NCKAP5L: variants seen among roughly 807,000 people sequenced by gnomAD.
The protein encoded by NCKAP5L is nck-associated protein 5-like.
NCKAP5L carries 54 observed loss-of-function variants against 103.2 expected under a neutral mutation model. The observed-to-expected ratio is 0.52, with a 90% CI of 0.42 to 0.66. NCKAP5L has a LOEUF of 0.66. NCKAP5L is among the 30% of genes least tolerant of loss of function. NCKAP5L has a pLI of 0.00. For synonymous variants in NCKAP5L, 762 were observed against 748.6 expected (o/e 1.02, Z -0.29); for missense variants, 1,733 against 1,750.6 (o/e 0.99, Z 0.18).
chr12:49,797,314 C>A lies in NCKAP5L; in HGVS notation c.546G>T (p.Pro182=). ...GAATCTGGGCCTTCTTCCGAAGGAA[C>A]GGGGATAGGGCATCCAGCGCTGGGG... is the stretch of plus-strand genomic sequence containing the variant. ...APPPALDALS[P]FLRKKAQILE... Residue 182 remains proline (P), a synonymous_variant, in exon 8 of 13, where the codon CCG becomes CCT. Transcript: ENST00000335999. The surrounding 1 kb of genome is among the most constrained non-coding windows in gnomAD (Gnocchi z 4.5). 5.6e-6 allele frequency: 9 copies of A among 1,613,104 alleles called. No homozygotes were observed. The highest frequency in any genetic ancestry group is 1.1e-5 in the South Asian group (1 of 91,042).
rs78432284 is a variant in NCKAP5L at position 49,827,669 on chromosome 12, C to T, written c.-99+653G>A. Among the ~76,000 whole-genome samples, 291 of 152,362 alleles carry T rather than the reference C, an allele frequency of 1.9e-3. 2 individuals are homozygous for T. The East Asian group carries it at 0.047, about 25-fold the overall frequency. On this transcript the variant is annotated intron_variant, in intron 1 of 12. Transcript: ENST00000335999. ...TGCCCTGTCCCTGCTCCCTGCCCAA[C>T]CAACCCTTCTCCCTCCCTTAGCTTC... is the stretch of plus-strand genomic sequence containing the variant.
At chr12:49,801,789 G>C in intron 6 of NCKAP5L, 59 bp downstream of exon 6, 2 of 1,600,304 alleles carry the variant, frequency 1.2e-6, no homozygotes, top group South Asian at 1.1e-5. Context: ...TGATGGGGCC[G>C]ATGGAGCCGA....
Position 49,792,042 on chromosome 12 carries a change from C to G in NCKAP5L, c.3802G>C (p.Val1268Leu). The change falls in exon 13 of 13, where the codon GTG (valine) becomes CTG (leucine). Residue 1268 changes from valine (V) to leucine (L), a missense_variant. By Grantham distance (32) the Val-to-Leu change is conservative. Transcript: ENST00000335999. The surrounding 1 kb of genome is among the most constrained non-coding windows in gnomAD (Gnocchi z 4.5). ...GGCTCCTGGCTTCGCTTCCGGTCCA[C>G]GGGCAGGGCCTGGGAAAGGAGGGGC... ...GLPRTPMALP[V>L]DRKRSQEPSR... 3 of 1,544,024 alleles carry G rather than the reference C, an allele frequency of 1.9e-6. No individual in the cohort carries two copies. Among genetic ancestry groups the G allele is most frequent in the Non-Finnish European group, 1.7e-6 (2 of 1,148,790 alleles).
chr12:49,792,231 G>C lies in NCKAP5L; in HGVS notation c.3793-180C>G. On this transcript the variant is annotated intron_variant, in intron 12 of 12. Coordinates refer to ENST00000335999, the MANE Select transcript of NCKAP5L (RefSeq NM_001037806.4). This position sits in a 1 kb window ranked among gnomAD's most constrained non-coding sequence, Gnocchi z 4.5. ...GTACAACTGAGAACAGTCCTACAAG[G>C]TTCTGGGGAGGGACAGAAACCTTTC... The C allele has an allele frequency of 8.9e-7, 1 of 1,126,736 alleles. No individual in the cohort carries two copies. The highest frequency in any genetic ancestry group is 1.3e-6 in the Non-Finnish European group (1 of 775,762). The allele number at this position is 1,126,736 out of a possible 1,614,324, so 69.8% of individuals were successfully genotyped here. A position where few individuals can be genotyped will look rare whatever the true frequency, so the allele number is the denominator to read the frequency against.
In NCKAP5L at chr12:49,795,878, A is replaced by T; in HGVS notation, c.1982T>A (p.Leu661Gln). Residue 661 changes from leucine (L) to glutamine (Q), a missense_variant, in exon 8 of 13, where the codon CTG becomes CAG. Leu to Gln is a moderately radical substitution (Grantham distance 113). Transcript: ENST00000335999. The stretch of plus-strand genomic sequence containing the variant: ...CCCCAGGGCCGCCAGTCTGTCCCGC[A>T]GAGGTGTGCTGCCAGGATCCCCAGG... ...RRPGDPGSTP[L>Q]RDRLAALGKL... 1 of 1,556,870 alleles carries T rather than the reference A, an allele frequency of 6.4e-7. No homozygotes were observed. Among genetic ancestry groups the T allele is most frequent in the Non-Finnish European group, 8.6e-7 (1 of 1,156,386 alleles).
At position 49,793,751 on chromosome 12, in the gene NCKAP5L, C is replaced by T. The variant is rs766234836; in HGVS notation, c.3241G>A (p.Gly1081Arg). 139 of 1,565,394 alleles carry T rather than the reference C, an allele frequency of 8.9e-5. No individual in the cohort carries two copies. Among genetic ancestry groups the T allele is most frequent in the Non-Finnish European group, 1.2e-4 (134 of 1,156,966 alleles). ...GAACTTACCTTTCCAGGAGGTTTTC[C>T]GCAGCCCTGAAGAGGGCCCACCAGG... is the stretch of plus-strand genomic sequence containing the variant. ...NGLVGPLQGC[G>R]KPPGKPSSEP... Residue 1081 changes from glycine (G) to arginine (R), a missense_variant, in exon 9 of 13, where the codon GGA becomes AGA. Coordinates refer to ENST00000335999, the MANE Select transcript of NCKAP5L (RefSeq NM_001037806.4).
At position 49,819,328 on chromosome 12, in the gene NCKAP5L, T is replaced by A. The variant is rs957042988; in HGVS notation, c.-99+8994A>T. On this transcript the variant is annotated intron_variant, in intron 1 of 12. Transcript: ENST00000335999. ...CTCCGCTTCAAAAAAAAAAAAAAAA[T>A]TAAAAACCCTTAAATAGAACTACCA... is the stretch of plus-strand genomic sequence containing the variant. 8.9e-5 allele frequency among the ~76,000 whole-genome samples: 13 copies of A among 146,624 alleles called. No individual in the cohort carries two copies. In the East Asian group the frequency reaches 2.0e-3, roughly 22 times the overall value.
rs1946079975 is a variant in NCKAP5L, at chr12:49,798,256, T to C, written c.465+94A>G. 16 of 1,199,234 alleles carry C rather than the reference T, an allele frequency of 1.3e-5. No individual in the cohort carries two copies. In the South Asian group the frequency reaches 2.1e-4, roughly 16 times the overall value. The allele number at this position is 1,199,234 out of a possible 1,614,324, so 74.3% of individuals were successfully genotyped here. A position where few individuals can be genotyped will look rare whatever the true frequency, so the allele number is the denominator to read the frequency against. On this transcript the variant is annotated intron_variant, in intron 7 of 12. Transcript: ENST00000335999. Reference sequence around the variant, plus strand: ...CATTCGGCTGCTCACACTTCCAGCCTGGACAAACGTCTGAGCACTGGGAAA... The same window carrying C: ...CATTCGGCTGCTCACACTTCCAGCCCGGACAAACGTCTGAGCACTGGGAAA...
At chr12:49,804,205 G>T in intron 2 of NCKAP5L, 125 bp from the exon 3 acceptor site, 1 of 822,306 alleles carries the variant, frequency 1.2e-6, no homozygotes, top group East Asian at 2.9e-5. Context: ...GCCAGGCTGG[G>T]TATCTCCTGG....
chr12:49,812,931 TCCTC>T (rs1174691908), intron 1 of NCKAP5L, among the ~76,000 whole-genome samples: 1 of 152,212 alleles, frequency 6.6e-6, no homozygotes, highest in Non-Finnish European at 1.5e-5. Flanking sequence ...CCTAAACACT[TCCTC>T]TGGTGTACTT....
chr12:49,804,195 G>T, intron 2 of NCKAP5L, 115 bp from the exon 3 acceptor site: 2 of 982,322 alleles, frequency 2.0e-6, no homozygotes, highest in Non-Finnish European at 2.9e-6. Flanking sequence ...ATAACTCAGG[G>T]CCAGGCTGGG....
chr12:49,821,707 C>T (rs1286806227), intron 1 of NCKAP5L, among the ~76,000 whole-genome samples: 2 of 152,238 alleles, frequency 1.3e-5, no homozygotes, highest in Non-Finnish European at 2.9e-5. Flanking sequence ...ACTTGATTAA[C>T]GTGGACTTTT....
intron 1 of NCKAP5L, among the ~76,000 whole-genome samples, chr12:49,811,765 C>G (rs572852415): frequency 2.6e-5 from 4 of 152,112 alleles, no homozygotes; most frequent in South Asian, 4.2e-4. Context: ...AAAGAGGGAC[C>G]CTTTTTATTC....
Position 49,793,740 on chromosome 12 carries a change from A to T in NCKAP5L, c.3252T>A (p.Pro1084=), listed in dbSNP as rs1344343179. ...VGPLQGCGKP[P]GKPSSEPGRR... is the part of the protein sequence containing the mutation. Reference sequence around the variant, plus strand: ...CCCTACCCCAAGAACTTACCTTTCCAGGAGGTTTTCCGCAGCCCTGAAGAG... The same window carrying T: ...CCCTACCCCAAGAACTTACCTTTCCTGGAGGTTTTCCGCAGCCCTGAAGAG... Residue 1084 remains proline (P), a synonymous_variant, in exon 9 of 13, where the codon CCT becomes CCA. Transcript: ENST00000335999. 1 of 1,555,074 alleles carries T rather than the reference A, an allele frequency of 6.4e-7. No individual in the cohort carries two copies.
chr12:49,819,669 TG>T (rs1946339712), intron 1 of NCKAP5L, among the ~76,000 whole-genome samples: 1 of 152,214 alleles, frequency 6.6e-6, no homozygotes, highest in African/African-American at 2.4e-5. Flanking sequence ...AAGACCGGCC[TG>T]GGCAACATAG....
intron 1 of NCKAP5L, among the ~76,000 whole-genome samples, chr12:49,815,620 G>A (rs1946287641): frequency 6.6e-6 from 1 of 152,154 alleles, no homozygotes. Flanking sequence ...CTCCTGAGTA[G>A]CTGGGACCAC....
intron 1 of NCKAP5L, among the ~76,000 whole-genome samples, chr12:49,807,203 T>G (rs1014345065): frequency 3.9e-5 from 6 of 152,190 alleles, no homozygotes; most frequent in Middle Eastern, 3.4e-3. Context: ...AGCAGCTGGA[T>G]GTTTGGGGGC....
chr12:49,827,876 T>A (rs1946437222), intron 1 of NCKAP5L, among the ~76,000 whole-genome samples: 1 of 152,188 alleles, frequency 6.6e-6, no homozygotes, highest in Non-Finnish European at 1.5e-5. Flanking sequence ...TCTCCGCGCC[T>A]GCGCTTTGGG....
At position 49,792,648 on chromosome 12, in the gene NCKAP5L, G is replaced by A. The variant is rs1245442476; in HGVS notation, c.3649+30C>T. On this transcript the variant is annotated intron_variant, in intron 11 of 12. Coordinates refer to ENST00000335999, the MANE Select transcript of NCKAP5L (RefSeq NM_001037806.4). This position sits in a 1 kb window ranked among gnomAD's most constrained non-coding sequence, Gnocchi z 4.5. ...CCTGGGCAGCTCCAGGATGCCCAGGGGCATCCCACCCTCCCACCTGGACAC... is the reference window on the plus strand; with the variant it reads ...CCTGGGCAGCTCCAGGATGCCCAGGAGCATCCCACCCTCCCACCTGGACAC... The A allele has an allele frequency of 6.2e-7, 1 of 1,613,308 alleles. No individual in the cohort carries two copies. Among genetic ancestry groups the A allele is most frequent in the Non-Finnish European group, 8.5e-7 (1 of 1,179,658 alleles).
Sources: gnomAD v4.1 joint callset for allele counts (sites outside exome capture counted in the v4.1 genomes callset) on GRCh38, gnomAD v4.1.1 for gene constraint, Gnocchi (gnomAD v3.1) non-coding constraint, MANE v1.5 for transcripts, NCBI Gene and HGNC (gene_info 2026-07-23, HGNC 2026-07-21) for gene names.